Variants in DIAPH3 observed in about 807,000 individuals in gnomAD.
The protein encoded by DIAPH3 is diaphanous related formin 3, also known as protein diaphanous homolog 3.
Under a neutral mutation model 144.3 loss-of-function variants are expected in DIAPH3, and 117 were observed. The ratio of observed to expected loss-of-function variants is 0.81; its 90% CI spans 0.70 to 0.95. DIAPH3 has a LOEUF of 0.95. DIAPH3 is among the 40% of genes least tolerant of loss of function. DIAPH3 has a pLI of 0.00. For missense variants in DIAPH3, 1,421 were observed against 1,412.7 expected, an observed-to-expected ratio of 1.01 and a Z score of -0.09; for synonymous variants, 519 against 488.9, an observed-to-expected ratio of 1.06 and a Z score of -0.81.
At chr13:59,882,470 T>G (rs2045129528) in intron 20 of DIAPH3, among the ~76,000 whole-genome samples, 1 of 152,170 alleles carries the variant, frequency 6.6e-6, no homozygotes, top group African/African-American at 2.4e-5. Context: ...AAAATATATG[T>G]ATATGTAAAA....
intron 21 of DIAPH3, among the ~76,000 whole-genome samples, chr13:59,868,644 T>C (rs2044071426): frequency 6.6e-6 from 1 of 152,200 alleles, no homozygotes; most frequent in South Asian, 2.1e-4. Flanking sequence ...AACTCAGTGT[T>C]ATTCATCCAT....
chr13:60,075,458 A>T (rs1011498534), intron 4 of DIAPH3, among the ~76,000 whole-genome samples: 1 of 152,072 alleles, frequency 6.6e-6, no homozygotes, highest in East Asian at 1.9e-4. Context: ...TTCCCTTATG[A>T]CTTCTGGATT....
At chr13:60,012,257 A>G (rs1229873202) in intron 7 of DIAPH3, among the ~76,000 whole-genome samples, 1 of 152,212 alleles carries the variant, frequency 6.6e-6, no homozygotes, top group Non-Finnish European at 1.5e-5. Flanking sequence ...TTAAACCACT[A>G]TCTGAGAAAC....
intron 17 of DIAPH3, among the ~76,000 whole-genome samples, chr13:59,966,363 G>A (rs1471069201): frequency 6.6e-6 from 1 of 152,126 alleles, no homozygotes; most frequent in Non-Finnish European, 1.5e-5. Flanking sequence ...GTAAATGTAG[G>A]TAGGGTTGGA....
chr13:59,764,846 T>C (rs913269432), intron 27 of DIAPH3, among the ~76,000 whole-genome samples: 1 of 152,046 alleles, frequency 6.6e-6, no homozygotes, highest in Non-Finnish European at 1.5e-5. Context: ...GCCTCCAGAA[T>C]TGTGAGAGAA....
chr13:59,771,511 C>CAGAGGCTGGAGAACCTCTG (rs142737931), intron 27 of DIAPH3, among the ~76,000 whole-genome samples: 6,773 of 151,838 alleles, frequency 0.045, 234 homozygotes, highest in Admixed American at 0.1. Flanking sequence ...TGAGGCACAC[C>CAGAGGCTGGAGAACCTCTG]AGAGGCTGGA....
intron 25 of DIAPH3, among the ~76,000 whole-genome samples, chr13:59,796,333 G>A (rs2039601747): frequency 6.6e-6 from 1 of 152,158 alleles, no homozygotes; most frequent in African/African-American, 2.4e-5. Context: ...TGCTGAACAT[G>A]TCACACATTA....
chr13:59,933,834 T>C (rs930679210), intron 17 of DIAPH3, among the ~76,000 whole-genome samples: 8 of 152,234 alleles, frequency 5.3e-5, no homozygotes, highest in Non-Finnish European at 1.2e-4. Context: ...TTCATTCTTT[T>C]TCTATTTTCA....
intron 27 of DIAPH3, among the ~76,000 whole-genome samples, chr13:59,733,050 T>C (rs2035965677): frequency 6.6e-6 from 1 of 152,222 alleles, no homozygotes; most frequent in South Asian, 2.1e-4. Flanking sequence ...TAAATGTGAG[T>C]TGCAGTTAAA....
rs1001801691 is a variant in DIAPH3 at position 60,037,575 on chromosome 13, A to C, written c.626+5115T>G. 5.9e-5 allele frequency among the ~76,000 whole-genome samples: 9 copies of C among 152,138 alleles called. No homozygotes were observed. The South Asian group carries it at 1.5e-3, about 25-fold the overall frequency. On this transcript the variant is annotated intron_variant, in intron 5 of 27. Transcript: ENST00000400324. Reference sequence around the variant, plus strand: ...GAATTAGATTAGTAAATGAGGAAAAATAAAATAAGAAATTAAATATCAATC... The same window carrying C: ...GAATTAGATTAGTAAATGAGGAAAACTAAAATAAGAAATTAAATATCAATC...
chr13:59,839,819 T>C (rs1376754757), intron 22 of DIAPH3, among the ~76,000 whole-genome samples: 1 of 152,190 alleles, frequency 6.6e-6, no homozygotes, highest in Non-Finnish European at 1.5e-5. Context: ...TGAACATTTT[T>C]CAAAATCATC....
At chr13:60,084,473 T>G (rs977976419) in intron 4 of DIAPH3, among the ~76,000 whole-genome samples, 5 of 150,620 alleles carry the variant, frequency 3.3e-5, no homozygotes, top group South Asian at 2.1e-4. Context: ...CAGACCTAAA[T>G]AAAAATAAAA....
chr13:59,967,941 A>G (rs1441743050), intron 17 of DIAPH3, among the ~76,000 whole-genome samples: 4 of 152,192 alleles, frequency 2.6e-5, no homozygotes, highest in Non-Finnish European at 4.4e-5. Context: ...AGTTGAATTG[A>G]GACAGAAGGT....
At chr13:59,802,664 A>ATTTT (rs71197279) in intron 25 of DIAPH3, among the ~76,000 whole-genome samples, 750 of 32,314 alleles carry the variant, frequency 0.023, 31 homozygotes, top group South Asian at 0.032. Context: ...TATTATTATT[A>ATTTT]TTATTTTTTT....
intron 17 of DIAPH3, among the ~76,000 whole-genome samples, chr13:59,947,510 T>C (rs371323203): frequency 6.6e-6 from 1 of 152,288 alleles, no homozygotes; most frequent in East Asian, 1.9e-4. Flanking sequence ...TGTGATTTAA[T>C]TTAAAGACAG....
At chr13:60,048,076 G>C (rs762238076) in intron 4 of DIAPH3, among the ~76,000 whole-genome samples, 1 of 152,224 alleles carries the variant, frequency 6.6e-6, no homozygotes, top group Non-Finnish European at 1.5e-5. Flanking sequence ...TGCACATGCA[G>C]TGGATTGCAT....
chr13:60,080,354 T>C (rs2057513133), intron 4 of DIAPH3, among the ~76,000 whole-genome samples: 1 of 151,880 alleles, frequency 6.6e-6, no homozygotes, highest in Non-Finnish European at 1.5e-5. Context: ...AATTGATGAG[T>C]TTAATTACTT....
intron 1 of DIAPH3, among the ~76,000 whole-genome samples, chr13:60,133,489 ATTAAC>A (rs1239493286): frequency 6.6e-6 from 1 of 152,150 alleles, no homozygotes; most frequent in African/African-American, 2.4e-5. Flanking sequence ...TGCTGGCTTA[ATTAAC>A]TTAAACAATT....
At chr13:60,130,263 C>T (rs2059106317) in intron 2 of DIAPH3, among the ~76,000 whole-genome samples, 1 of 152,178 alleles carries the variant, frequency 6.6e-6, no homozygotes, top group Non-Finnish European at 1.5e-5. Flanking sequence ...CAAATCTCTA[C>T]AGCAACAGAT....
Sources: allele counts gnomAD v4.1 joint callset (sites outside exome capture counted in the v4.1 genomes callset), GRCh38; gene constraint gnomAD v4.1.1; transcripts MANE v1.5; gene names NCBI Gene and HGNC (gene_info 2026-07-23, HGNC 2026-07-21).